The following MCM3AP variants were observed in gnomAD, a reference collection of about 807,000 sequenced individuals.
MCM3AP encodes the protein minichromosome maintenance complex component 3 associated protein, also known as germinal-center associated nuclear protein.
A neutral mutation model predicts 184.1 loss-of-function variants in MCM3AP; 126 were observed. That is an observed-to-expected ratio of 0.68 (90% CI 0.59 to 0.79). The LOEUF is 0.79. Among genes scored for constraint, MCM3AP ranks in the 30% least tolerant of loss-of-function variants. The pLI is 0.00. For synonymous variants in MCM3AP, 1,002 were observed against 979.3 expected (o/e 1.02, Z -0.43); for missense variants, 2,496 against 2,479.2 (o/e 1.01, Z -0.14).
chr21:46,266,195 G>A, intron 10 of MCM3AP, 29 bp from the exon 11 acceptor site: 1 of 1,574,372 alleles, frequency 6.4e-7, no homozygotes, highest in South Asian at 1.2e-5. Flanking sequence ...ACCCCCGAGG[G>A]GTGTCACCAG....
At chr21:46,262,091 A>G (rs796765574) in intron 13 of MCM3AP, among the ~76,000 whole-genome samples, 32 of 152,356 alleles carry the variant, frequency 2.1e-4, no homozygotes, top group African/African-American at 7.5e-4. Context: ...GCCCACTGTT[A>G]GAAACACACC....
At chr21:46,264,277 T>A in intron 12 of MCM3AP, 60 bp from the exon 13 acceptor site, 1 of 1,083,038 alleles carries the variant, frequency 9.2e-7, no homozygotes, top group Non-Finnish European at 1.4e-6. Flanking sequence ...AAATGCTGGG[T>A]AACATGTTGT....
At position 46,284,421 on chromosome 21, in the gene MCM3AP, T is replaced by C; in HGVS notation, c.866A>G (p.Lys289Arg). The change falls in exon 1 of 28, where the codon AAA becomes AGA. Residue 289 changes from lysine to arginine, a missense_variant. Around this residue, in one of 5 missense-constraint regions of MCM3AP, gnomAD observed 800 missense variants for 717.1 expected, o/e 1.12. Coordinates refer to ENST00000291688, the MANE Select transcript of MCM3AP (RefSeq NM_003906.5). Reference protein sequence around the residue: ...SQVEPLPSLMKGLKRKEDQDR... With the variant: ...SQVEPLPSLMRGLKRKEDQDR... ...CTGGTCCTCCTTCCTTTTCAGTCCT[T>C]TCATTAGGCTGGGAAGTGGTTCCAC... 1 of 1,614,142 alleles carries C rather than the reference T, an allele frequency of 6.2e-7. No individual in the cohort carries two copies. Among genetic ancestry groups the C allele is most frequent in the Non-Finnish European group, 8.5e-7 (1 of 1,180,014 alleles).
In MCM3AP at chr21:46,277,709, A is replaced by G; in HGVS notation, c.1676T>C (p.Val559Ala). The change falls in exon 5 of 28, where the codon GTG (valine) becomes GCG (alanine). Residue 559 changes from valine (V) to alanine (A), a missense_variant. Physicochemically the swap from Val to Ala is moderately conservative, Grantham distance 64 (BLOSUM62 0). This residue lies in a region of MCM3AP where 800 missense variants were observed against 717.1 expected (regional missense o/e 1.12). Transcript: ENST00000291688. ...ASSLLNKSSP[V>A]KKPSLLKAHQ... ...GGCCTTTAGAAGACTTGGCTTCTTCACTGGAGAGCTATAAAGTAAACACCA... is the reference window on the plus strand; with the variant it reads ...GGCCTTTAGAAGACTTGGCTTCTTCGCTGGAGAGCTATAAAGTAAACACCA... 6.3e-7 allele frequency: 1 copy of G among 1,582,096 alleles called. No individual in the cohort carries two copies. The highest frequency in any genetic ancestry group is 8.6e-7 in the Non-Finnish European group (1 of 1,164,210).
intron 17 of MCM3AP, among the ~76,000 whole-genome samples, chr21:46,255,848 G>A (rs947578787): frequency 6.6e-5 from 10 of 151,938 alleles, no homozygotes; most frequent in Non-Finnish European, 7.4e-5. Flanking sequence ...ACGGAGGGGG[G>A]ACACAAGAAG....
chr21:46,243,868 G>A lies in MCM3AP; in HGVS notation c.5039-146C>T, dbSNP rs1233961893. On this transcript the variant is annotated intron_variant, in intron 23 of 27. Coordinates refer to ENST00000291688, the MANE Select transcript of MCM3AP (RefSeq NM_003906.5). ...CAGAACCACAGTTGTTGAGGGGGAA[G>A]AGCAGCTTGCTCCCAGGGTCTAGGT... The A allele has an allele frequency of 7.8e-6, 6 of 764,680 alleles. No individual in the cohort carries two copies. The Admixed American group carries it at 8.3e-5, about 11-fold the overall frequency. The allele number at this position is 764,680 out of a possible 1,614,324, so 47.4% of individuals were successfully genotyped here.
intron 24 of MCM3AP, 161 bp downstream of exon 24, chr21:46,243,303 TC>T (rs1163531934): frequency 3.5e-5 from 31 of 890,650 alleles, no homozygotes; most frequent in Non-Finnish European, 5.3e-5. Flanking sequence ...CTAGCCTGTC[TC>T]AATGTTTTTA....
intron 20 of MCM3AP, chr21:46,249,731 G>A: frequency 2.6e-6 from 1 of 387,452 alleles, no homozygotes; most frequent in South Asian, 2.0e-5. Flanking sequence ...CAAGCACCTG[G>A]CCTGTGCCAG....
At chr21:46,254,584 A>G in intron 18 of MCM3AP, 58 bp from the exon 19 acceptor site, 6 of 1,599,848 alleles carry the variant, frequency 3.8e-6, no homozygotes, top group Non-Finnish European at 5.1e-6. Context: ...CAGGAGCAGC[A>G]CACACATCCT....
intron 20 of MCM3AP, chr21:46,249,734 T>A (rs2330353): frequency 0.45 from 170,644 of 379,460 alleles, 39,179 homozygotes; most frequent in Admixed American, 0.52. Flanking sequence ...GCACCTGGCC[T>A]GTGCCAGGCA....
At chr21:46,250,709 CCAA>C (rs1441274918) in intron 20 of MCM3AP, 1 of 152,220 alleles carries the variant, frequency 6.6e-6, no homozygotes, top group African/African-American at 2.4e-5. Context: ...ACAATCCTAG[CCAA>C]CATTTTCATT....
Position 46,258,921 on chromosome 21 carries a change from TA to T in MCM3AP, c.3734+17del. 1 of 1,613,952 alleles carries T rather than the reference TA, an allele frequency of 6.2e-7. No homozygotes were observed. Among genetic ancestry groups the T allele is most frequent in the East Asian group, 2.2e-5 (1 of 44,870 alleles). ...TCCCCGTGTGTGTGGATTTTGCCTG[TA>T]GGAACACAGGACTCACCGCTGTAGA... On this transcript the variant is annotated intron_variant, in intron 16 of 27. Coordinates refer to ENST00000291688, the MANE Select transcript of MCM3AP (RefSeq NM_003906.5).
At chr21:46,237,943 T>C (rs2080576809) in intron 26 of MCM3AP, among the ~76,000 whole-genome samples, 1 of 114,204 alleles carries the variant, frequency 8.8e-6, no homozygotes, top group Non-Finnish European at 1.8e-5. Flanking sequence ...CTACTAAAAA[T>C]ACAAAAATTA....
chr21:46,251,975 C>G (rs765843497), intron 19 of MCM3AP: 29 of 227,096 alleles, frequency 1.3e-4, no homozygotes, highest in Admixed American at 1.1e-4. Context: ...AGCAAGCAAA[C>G]CTGCCTCAGT....
chr21:46,249,398 G>A (rs1369055165), intron 20 of MCM3AP, among the ~76,000 whole-genome samples: 3 of 152,084 alleles, frequency 2.0e-5, no homozygotes, highest in Non-Finnish European at 2.9e-5. Context: ...GCGTTGCCCA[G>A]GCTGGTCTCG....
intron 9 of MCM3AP, chr21:46,267,885 A>C (rs1232980202): frequency 1.4e-5 from 2 of 142,664 alleles, no homozygotes; most frequent in African/African-American, 5.3e-5. Context: ...TGACAGAGTG[A>C]GAACCAGTGT....
intron 26 of MCM3AP, 119 bp from the exon 27 acceptor site, chr21:46,237,098 TA>T (rs2080548804): frequency 8.2e-6 from 3 of 365,250 alleles, no homozygotes; most frequent in Non-Finnish European, 8.5e-6. Context: ...AAATTTTATA[TA>T]ATTTTTTTTT....
chr21:46,251,740 T>G, intron 19 of MCM3AP, 58 bp from the exon 20 acceptor site: 1 of 1,094,434 alleles, frequency 9.1e-7, no homozygotes, highest in African/African-American at 1.6e-5. Flanking sequence ...TAATTCTATA[T>G]TTGAATTATA....
At position 46,264,215 on chromosome 21, in the gene MCM3AP, G is replaced by T; in HGVS notation, c.3237C>A (p.Asp1079Glu). 1 of 1,607,512 alleles carries T rather than the reference G, an allele frequency of 6.2e-7. No individual in the cohort carries two copies. The highest frequency in any genetic ancestry group is 8.5e-7 in the Non-Finnish European group (1 of 1,175,492). ...PEPVPMYSDE[D>E]LAQVVDELIQ... ...TGAGCTCGTCCACCACCTGCGCCAG[G>T]TCCTGTGGAGAGACCAGCATGGGGT... Residue 1079 changes from aspartate (D) to glutamate (E), a missense_variant and splice_region_variant, in exon 13 of 28, where the codon GAC (aspartate) becomes GAA (glutamate). Coordinates refer to ENST00000291688, the MANE Select transcript of MCM3AP (RefSeq NM_003906.5).
Sources: gnomAD v4.1 joint callset for allele counts (sites outside exome capture counted in the v4.1 genomes callset) on GRCh38, gnomAD v4.1.1 for gene constraint, gnomAD v4.1.1 regional missense constraint, MANE v1.5 for transcripts, NCBI Gene and HGNC (gene_info 2026-07-23, HGNC 2026-07-21) for gene names.